Variants in NOL4 observed in about 807,000 individuals in gnomAD.
The protein encoded by NOL4 is nucleolar protein 4, also known as cancer/testis antigen 125.
Under a neutral mutation model 75.9 loss-of-function variants are expected in NOL4, and 17 were observed. The ratio of observed to expected loss-of-function variants is 0.22; its 90% confidence interval spans 0.15 to 0.34. NOL4 has a LOEUF of 0.34. NOL4 is among the 10% of genes least tolerant of loss of function. The probability of loss-of-function intolerance (pLI) is 1.00; values close to 1 mark genes in which losing one functional copy is unlikely to be tolerated. For synonymous variants in NOL4, 292 were observed against 289.9 expected, an observed-to-expected ratio of 1.01 and a Z score of -0.07; for missense variants, 614 against 793.5, an observed-to-expected ratio of 0.77 and a Z score of 2.72.
chr18:34,117,488 C>T lies in NOL4; in HGVS notation c.415-12328G>A, dbSNP rs73955457. Among the ~76,000 whole-genome samples, 1,167 of 152,252 alleles carry T rather than the reference C, an allele frequency of 7.7e-3. 13 individuals carry two copies. Among genetic ancestry groups the T allele is most frequent in the African/African-American group, 0.026 (1,073 of 41,538 alleles). ...TGAAGTTCTTTATAAGTGTAAAATG[C>T]TCTAACTAGTTTGGGGTGACCTTTC... is the stretch of plus-strand genomic sequence containing the variant. On this transcript the variant is annotated intron_variant, in intron 2 of 10. Coordinates refer to ENST00000261592, the MANE Select transcript of NOL4 (RefSeq NM_003787.5).
Position 33,913,024 on chromosome 18 carries a change from G to A in NOL4, c.1543-29600C>T, listed in dbSNP as rs188419192. On this transcript the variant is annotated intron_variant, in intron 9 of 10. Transcript: ENST00000261592. ...ATCTCATTATATCTCTATTTTTTACGGGTGCCAAAGTTAGGACATTTATTC... is the reference window on the plus strand; with the variant it reads ...ATCTCATTATATCTCTATTTTTTACAGGTGCCAAAGTTAGGACATTTATTC... Among the ~76,000 whole-genome samples the A allele has an allele frequency of 9.9e-5, 15 of 151,926 alleles. No individual in the cohort carries two copies. In the East Asian group the frequency reaches 1.6e-3, roughly 16 times the overall value.
At chr18:33,855,756 G>A (rs1050173641) in intron 10 of NOL4, among the ~76,000 whole-genome samples, 1 of 151,700 alleles carries the variant, frequency 6.6e-6, no homozygotes, top group African/African-American at 2.4e-5. Flanking sequence ...GAGGTTTGAG[G>A]GATATTTAAG....
chr18:34,153,330 T>G (rs1407538990), intron 1 of NOL4, among the ~76,000 whole-genome samples: 3 of 151,938 alleles, frequency 2.0e-5, no homozygotes, highest in African/African-American at 7.2e-5. Context: ...CCTCTTCCAA[T>G]GTACATTGAG....
In NOL4 at chr18:34,224,283, A is replaced by T. The variant is rs1192070586; in HGVS notation, c.-1030T>A. ...GAAAACCTTTGCACGAAATTAAAATATATACAGAAAGATCATTTTCCCCTT... is the reference window on the plus strand; with the variant it reads ...GAAAACCTTTGCACGAAATTAAAATTTATACAGAAAGATCATTTTCCCCTT... On this transcript the variant is annotated 5_prime_UTR_variant, in exon 1 of 11. Coordinates refer to ENST00000261592, the MANE Select transcript of NOL4 (RefSeq NM_003787.5). 6.6e-6 allele frequency: 1 copy of T among 152,304 alleles called. No individual in the cohort carries two copies. The highest frequency in any genetic ancestry group is 2.4e-5 in the African/African-American group (1 of 41,454). The allele number at this position is 152,304 out of a possible 1,614,324, so 9.4% of individuals were successfully genotyped here. A position where few individuals can be genotyped will look rare whatever the true frequency, so the allele number is the denominator to read the frequency against.
At chr18:34,112,371 C>CA (rs536035251) in intron 2 of NOL4, among the ~76,000 whole-genome samples, 45 of 137,506 alleles carry the variant, frequency 3.3e-4, no homozygotes, top group South Asian at 9.2e-4. Flanking sequence ...TGTCCCCCCC[C>CA]AAAAAAAAAA....
In NOL4 at chr18:34,166,002, A is replaced by G. The variant is rs537708584; in HGVS notation, c.265-35982T>C. Among the ~76,000 whole-genome samples the G allele has an allele frequency of 3.3e-3, 502 of 152,248 alleles. 5 individuals carry two copies. Among genetic ancestry groups the G allele is most frequent in the African/African-American group, 0.012 (485 of 41,598 alleles). ...AAAAGCCAATAGAATAAAAATTTAC[A>G]AAATATGTCTTTCCAAAAGTTGGGA... On this transcript the variant is annotated intron_variant, in intron 1 of 10. Transcript: ENST00000261592.
At chr18:34,061,345 A>G (rs1225826307) in intron 5 of NOL4, among the ~76,000 whole-genome samples, 1 of 152,184 alleles carries the variant, frequency 6.6e-6, no homozygotes, top group Non-Finnish European at 1.5e-5. Flanking sequence ...TATTGACAAT[A>G]TGCAAATCCT....
chr18:33,947,090 T>A (rs1233650632), intron 8 of NOL4, among the ~76,000 whole-genome samples: 1 of 151,706 alleles, frequency 6.6e-6, no homozygotes, highest in African/African-American at 2.4e-5. Context: ...GACAAAAGTT[T>A]AAAAAAATTT....
At chr18:34,042,619 G>A (rs963507569) in intron 5 of NOL4, among the ~76,000 whole-genome samples, 1 of 152,070 alleles carries the variant, frequency 6.6e-6, no homozygotes, top group Non-Finnish European at 1.5e-5. Context: ...GAAATTGGTA[G>A]ATAAGTGATA....
intron 9 of NOL4, among the ~76,000 whole-genome samples, chr18:33,927,649 A>G (rs969151344): frequency 2.0e-5 from 3 of 152,220 alleles, no homozygotes; most frequent in Admixed American, 2.0e-4. Flanking sequence ...CCATTTCAGG[A>G]AAGTTGATCT....
chr18:34,076,324 C>T (rs994716654), intron 5 of NOL4, among the ~76,000 whole-genome samples: 1 of 152,058 alleles, frequency 6.6e-6, no homozygotes, highest in Non-Finnish European at 1.5e-5. Context: ...TTTATTATAC[C>T]CATACGGAGC....
chr18:34,041,248 CT>C, intron 5 of NOL4, among the ~76,000 whole-genome samples: 1 of 151,770 alleles, frequency 6.6e-6, no homozygotes, highest in South Asian at 2.1e-4. Context: ...AGAAGCAAGG[CT>C]AAAGTAAAAG....
rs2073899216 is a variant in NOL4, at chr18:34,004,146, G to C, written c.1056+15172C>G. On this transcript the variant is annotated intron_variant, in intron 6 of 10. Transcript: ENST00000261592. The stretch of plus-strand genomic sequence containing the variant: ...ATCAACTGCCCATCAGAAAATCTTT[G>C]AATCCACCTATGACCAGGAAACCAC... Among the ~76,000 whole-genome samples, 3 of 151,874 alleles carry C rather than the reference G, an allele frequency of 2.0e-5. 1 individual carries two copies. The South Asian group carries it at 6.2e-4, about 32-fold the overall frequency.
At chr18:33,938,565 C>T (rs998451966) in intron 9 of NOL4, among the ~76,000 whole-genome samples, 4 of 151,946 alleles carry the variant, frequency 2.6e-5, no homozygotes, top group South Asian at 2.1e-4. Flanking sequence ...GTTTCTTGGC[C>T]GCATAAATGT....
chr18:34,064,937 ACACACACACAC>A (rs374404478), intron 5 of NOL4, among the ~76,000 whole-genome samples: 57,835 of 151,440 alleles, frequency 0.38, 11,504 homozygotes, highest in South Asian at 0.53. Flanking sequence ...ACACACACAC[ACACACACACAC>A]ACACATCATA....
At chr18:33,888,390 T>C (rs1332613982) in intron 9 of NOL4, among the ~76,000 whole-genome samples, 3 of 152,188 alleles carry the variant, frequency 2.0e-5, no homozygotes, top group African/African-American at 7.2e-5. Flanking sequence ...CTGATTATAG[T>C]TTCTTTTGCT....
At chr18:34,190,712 TTTAA>T (rs1450141336) in intron 1 of NOL4, among the ~76,000 whole-genome samples, 29 of 151,538 alleles carry the variant, frequency 1.9e-4, no homozygotes, top group Non-Finnish European at 3.8e-4. Flanking sequence ...TTATTTATAA[TTTAA>T]TTAATATTTA....
intron 1 of NOL4, among the ~76,000 whole-genome samples, chr18:34,205,527 A>G (rs1235589800): frequency 3.3e-5 from 5 of 152,112 alleles, no homozygotes; most frequent in Non-Finnish European, 7.4e-5. Flanking sequence ...TGTTAGTATA[A>G]GACAGCCTCA....
chr18:34,152,539 ACAT>A (rs1270042834), intron 1 of NOL4, among the ~76,000 whole-genome samples: 1 of 151,942 alleles, frequency 6.6e-6, no homozygotes, highest in Non-Finnish European at 1.5e-5. Flanking sequence ...ACTCTTGCAT[ACAT>A]TACTATGTAT....
Sources: allele counts gnomAD v4.1 joint callset (sites outside exome capture counted in the v4.1 genomes callset), GRCh38; gene constraint gnomAD v4.1.1; transcripts MANE v1.5; gene names NCBI Gene and HGNC (gene_info 2026-07-23, HGNC 2026-07-21).